PDZD2: variants seen among roughly 807,000 people sequenced by gnomAD.
PDZD2 encodes PDZ domain containing 2.
A neutral mutation model predicts 220.7 loss-of-function variants in PDZD2; 90 were observed. The ratio of observed to expected loss-of-function variants is 0.41; its 90% CI spans 0.34 to 0.49. The LOEUF is 0.49. Among genes scored for constraint, PDZD2 ranks in the 20% least tolerant of loss-of-function variants. PDZD2 has a pLI of 0.28. For synonymous variants in PDZD2, 1,375 were observed against 1,450.5 expected (o/e 0.95, Z 1.18); for missense variants, 3,174 against 3,608.5 (o/e 0.88, Z 3.08).
At chr5:31,708,881 G>GT (rs33947537) in intron 1 of PDZD2, among the ~76,000 whole-genome samples, 175 of 61,742 alleles carry the variant, frequency 2.8e-3, no homozygotes, top group Non-Finnish European at 4.1e-3. Flanking sequence ...AATGTGTTTT[G>GT]TTTTTTTTTT....
intron 1 of PDZD2, among the ~76,000 whole-genome samples, chr5:31,789,703 C>CG (rs1753589623): frequency 6.6e-6 from 1 of 152,122 alleles, no homozygotes; most frequent in Non-Finnish European, 1.5e-5. Context: ...CCGAGGCATC[C>CG]GAGTCAGGAG....
chr5:32,100,757 C>G, intron 23 of PDZD2: 4 of 556,960 alleles, frequency 7.2e-6, no homozygotes, highest in South Asian at 6.4e-5. Context: ...AGTGTGACTT[C>G]AGTCCTCACT....
chr5:31,644,959 C>T lies in PDZD2; in HGVS notation c.-361+5522C>T, dbSNP rs184982470. Among the ~76,000 whole-genome samples the T allele has an allele frequency of 2.0e-5, 3 of 152,298 alleles. No individual in the cohort carries two copies. In the East Asian group the frequency reaches 5.8e-4, roughly 29 times the overall value. ...GAAGCAGCATTGGGGGAACCGACTT[C>T]ACAGCACAGAGGATTAATTTTGCAC... On this transcript the variant is annotated intron_variant, in intron 1 of 24. Transcript: ENST00000438447.
intron 2 of PDZD2, among the ~76,000 whole-genome samples, chr5:31,862,130 G>T: frequency 9.1e-6 from 1 of 109,526 alleles, no homozygotes; most frequent in Non-Finnish European, 1.7e-5. Flanking sequence ...TTTTGAGATG[G>T]AGTCTCGCTC....
chr5:31,737,480 C>G (rs567685365), intron 1 of PDZD2, among the ~76,000 whole-genome samples: 3 of 152,256 alleles, frequency 2.0e-5, no homozygotes, highest in African/African-American at 4.8e-5. Flanking sequence ...CCAGAGCAGT[C>G]TACTTCTTAT....
chr5:31,782,836 C>T (rs533526477), intron 1 of PDZD2, among the ~76,000 whole-genome samples: 1 of 151,376 alleles, frequency 6.6e-6, no homozygotes, highest in Non-Finnish European at 1.5e-5. Flanking sequence ...GCCTCAGCCT[C>T]CCGAGTAGCT....
chr5:31,857,889 C>T (rs970234156), intron 2 of PDZD2, among the ~76,000 whole-genome samples: 4 of 151,990 alleles, frequency 2.6e-5, no homozygotes, highest in Admixed American at 2.6e-4. Flanking sequence ...TGCAGTGGTG[C>T]GATCTCAGCT....
intron 2 of PDZD2, among the ~76,000 whole-genome samples, chr5:31,857,317 C>T (rs1320943056): frequency 6.6e-6 from 1 of 152,208 alleles, no homozygotes; most frequent in Non-Finnish European, 1.5e-5. Context: ...GGGGTCTCCT[C>T]TCACTGTTAT....
At chr5:31,881,874 C>G (rs1739960806) in intron 2 of PDZD2, among the ~76,000 whole-genome samples, 3 of 151,082 alleles carry the variant, frequency 2.0e-5, no homozygotes, top group Admixed American at 2.0e-4. Flanking sequence ...ATCACCATGC[C>G]TGGCTAATTC....
rs371670243 is a variant in PDZD2 at position 32,037,028 on chromosome 5, C to T, written c.1408-203C>T. Reference sequence around the variant, plus strand: ...CCTGGTTCCATGCTGGGCGGTGAGACGCGTGCTGAGGAGGAATTGGCCAAT... The same window carrying T: ...CCTGGTTCCATGCTGGGCGGTGAGATGCGTGCTGAGGAGGAATTGGCCAAT... On this transcript the variant is annotated intron_variant, in intron 6 of 24. Coordinates refer to ENST00000438447, the MANE Select transcript of PDZD2 (RefSeq NM_178140.4). Among the ~76,000 whole-genome samples, 51 of 152,302 alleles carry T rather than the reference C, an allele frequency of 3.3e-4. No individual in the cohort carries two copies. In the East Asian group the frequency reaches 4.3e-3, roughly 13 times the overall value.
At chr5:31,781,062 C>T (rs1753037446) in intron 1 of PDZD2, among the ~76,000 whole-genome samples, 1 of 152,296 alleles carries the variant, frequency 6.6e-6, no homozygotes, top group Admixed American at 6.5e-5. Flanking sequence ...CAGTTAGGCC[C>T]TTCTTTAAAG....
rs1171841938 is a variant in PDZD2 at position 31,699,803 on chromosome 5, G to A, written c.-361+60366G>A. Among the ~76,000 whole-genome samples the A allele has an allele frequency of 4.1e-4, 50 of 122,770 alleles. 1 individual carries two copies. Among genetic ancestry groups the A allele is most frequent in the Middle Eastern group, 4.1e-3 (1 of 244 alleles). The allele number at this position is 122,770 out of a possible 152,430, so 80.5% of individuals were successfully genotyped here. On this transcript the variant is annotated intron_variant, in intron 1 of 24. Coordinates refer to ENST00000438447, the MANE Select transcript of PDZD2 (RefSeq NM_178140.4). ...TTTGTTTTTTTTTTGTTTTTTTTTTGGTATTTTAGTAGAGATAGGGTTTCA... is the reference window on the plus strand; with the variant it reads ...TTTGTTTTTTTTTTGTTTTTTTTTTAGTATTTTAGTAGAGATAGGGTTTCA...
intron 6 of PDZD2, among the ~76,000 whole-genome samples, chr5:32,030,398 C>T (rs1251043980): frequency 6.6e-6 from 1 of 152,154 alleles, no homozygotes; most frequent in East Asian, 1.9e-4. Flanking sequence ...TTTGAGTGTC[C>T]CAGGGATCAC....
chr5:31,705,553 C>T (rs963991660), intron 1 of PDZD2, among the ~76,000 whole-genome samples: 1 of 152,106 alleles, frequency 6.6e-6, no homozygotes, highest in East Asian at 1.9e-4. Context: ...GTAACTCCAT[C>T]TAATTATTGT....
intron 2 of PDZD2, among the ~76,000 whole-genome samples, chr5:31,879,162 C>T (rs1416624865): frequency 1.3e-5 from 2 of 151,608 alleles, no homozygotes; most frequent in African/African-American, 2.4e-5. Context: ...CCGAGGCGGG[C>T]GGATCACGAG....
In PDZD2 at chr5:32,074,036, A is replaced by G. The variant is rs775067170; in HGVS notation, c.2930A>G (p.Asp977Gly). The G allele has an allele frequency of 2.9e-5, 47 of 1,614,014 alleles. No individual in the cohort carries two copies. The highest frequency in any genetic ancestry group is 3.9e-5 in the Non-Finnish European group (46 of 1,180,016). ...GATGCCAGTGATGAGGAAGAGTTTG[A>G]CAGAGAAGGGGACTGCATTTCACTC... ...ANDASDEEEFDREGDCISLPG... is the reference protein window; with the variant it reads ...ANDASDEEEFGREGDCISLPG... The change falls in exon 18 of 25, where the codon GAC becomes GGC. Residue 977 changes from aspartate (D) to glycine (G), a missense_variant. By Grantham distance (94) the Asp-to-Gly change is moderately conservative (BLOSUM62 -1). Coordinates refer to ENST00000438447, the MANE Select transcript of PDZD2 (RefSeq NM_178140.4).
At chr5:31,957,205 T>C (rs1300076108) in intron 2 of PDZD2, among the ~76,000 whole-genome samples, 1 of 152,184 alleles carries the variant, frequency 6.6e-6, no homozygotes, top group African/African-American at 2.4e-5. Context: ...CCTGGCTCTG[T>C]TTACCTTTTT....
At chr5:31,960,341 C>T (rs1286151211) in intron 2 of PDZD2, among the ~76,000 whole-genome samples, 2 of 149,534 alleles carry the variant, frequency 1.3e-5, no homozygotes. Context: ...CCTCAGCCTC[C>T]TGAGTAGCTG....
At chr5:31,764,787 C>T (rs1751886814) in intron 1 of PDZD2, among the ~76,000 whole-genome samples, 1 of 152,122 alleles carries the variant, frequency 6.6e-6, no homozygotes, top group Non-Finnish European at 1.5e-5. Flanking sequence ...TTCAGAATTG[C>T]CCAAAGGGGC....
Sources: allele counts gnomAD v4.1 joint callset (sites outside exome capture counted in the v4.1 genomes callset), GRCh38; gene constraint gnomAD v4.1.1; transcripts MANE v1.5; gene names NCBI Gene and HGNC (gene_info 2026-07-23, HGNC 2026-07-21).